SLC66A1: variants seen among roughly 807,000 people sequenced by gnomAD.
SLC66A1 encodes the protein solute carrier family 66 member 1, also known as lysosomal amino acid transporter 1 homolog.
Under a neutral mutation model 33.0 loss-of-function variants are expected in SLC66A1, and 23 were observed. The ratio of observed to expected loss-of-function variants is 0.70; its 90% CI spans 0.50 to 0.99. The LOEUF (loss-of-function observed/expected upper bound fraction) is 0.99, where lower values mean the gene tolerates loss of function less well. Among genes scored for constraint, SLC66A1 ranks in the 50% least tolerant of loss-of-function variants. The pLI is 0.00. For missense variants in SLC66A1, 335 were observed against 383.6 expected (o/e 0.87, Z 1.06); for synonymous variants, 164 against 175.5 (o/e 0.93, Z 0.52).
At chr1:19,332,848 G>A (rs1353612439), downstream of SLC66A1, among the ~76,000 whole-genome samples, 1 of 152,154 alleles carries the variant, frequency 6.6e-6, no homozygotes, top group Non-Finnish European at 1.5e-5. Flanking sequence ...TCAAGGAAAT[G>A]GAACCACGCT....
chr1:19,331,056 A>G (rs913339890), downstream of SLC66A1, among the ~76,000 whole-genome samples: 3 of 152,112 alleles, frequency 2.0e-5, no homozygotes, highest in African/African-American at 7.2e-5. Context: ...CTGCCGCCCA[A>G]GCTGGAGTGC....
Position 19,317,664 on chromosome 1 carries a change from C to T in SLC66A1, c.-14C>T. The T allele has an allele frequency of 6.2e-7, 1 of 1,613,440 alleles. No individual in the cohort carries two copies. Among genetic ancestry groups the T allele is most frequent in the South Asian group, 1.1e-5 (1 of 91,042 alleles). ...GTGCAGCCCTGCCTGGCCGGGGGCCCCTCCTCCACAGCCATGGTCTGGAAG... is the reference window on the plus strand; with the variant it reads ...GTGCAGCCCTGCCTGGCCGGGGGCCTCTCCTCCACAGCCATGGTCTGGAAG... On this transcript the variant is annotated 5_prime_UTR_variant, in exon 2 of 8. Coordinates refer to ENST00000375153, the MANE Select transcript of SLC66A1 (RefSeq NM_001040125.2).
intron 2 of SLC66A1, among the ~76,000 whole-genome samples, chr1:19,320,159 C>A (rs2093827191): frequency 1.3e-5 from 2 of 151,854 alleles, no homozygotes; most frequent in South Asian, 2.1e-4. Context: ...CCTCAGCATT[C>A]CAAAGTGCTG....
At chr1:19,325,779 C>T (rs942899248) in intron 4 of SLC66A1, among the ~76,000 whole-genome samples, 197 bp downstream of exon 4, 2 of 152,202 alleles carry the variant, frequency 1.3e-5, no homozygotes, top group Non-Finnish European at 2.9e-5. Context: ...GCAGTGAGCG[C>T]GTCCTGGCCC....
intron 2 of SLC66A1, among the ~76,000 whole-genome samples, chr1:19,322,773 G>A (rs945418981): frequency 1.3e-5 from 2 of 152,164 alleles, no homozygotes; most frequent in Non-Finnish European, 2.9e-5. Context: ...GCGAGCCTGG[G>A]GCCTTGCAAG....
downstream of SLC66A1, among the ~76,000 whole-genome samples, chr1:19,333,651 A>C (rs1416973127): frequency 6.6e-6 from 1 of 152,148 alleles, no homozygotes; most frequent in African/African-American, 2.4e-5. This position sits in a 1 kb window ranked among gnomAD's most constrained non-coding sequence, Gnocchi z 4.2. Flanking sequence ...CAGATGGTAA[A>C]GCTTTAAACT....
chr1:19,323,633 C>T (rs1216292739), intron 2 of SLC66A1, among the ~76,000 whole-genome samples: 4 of 152,106 alleles, frequency 2.6e-5, no homozygotes, highest in Non-Finnish European at 4.4e-5. Context: ...TCTCGAACTT[C>T]TGGCCTCAAG....
chr1:19,328,808 C>A lies in SLC66A1; in HGVS notation c.*165C>A. The A allele has an allele frequency of 4.0e-6, 3 of 748,132 alleles. No individual in the cohort carries two copies. The highest frequency in any genetic ancestry group is 4.3e-6 in the Non-Finnish European group (2 of 464,520). 46.3% of individuals were successfully genotyped at this position (748,132 alleles called of 1,614,324 possible). A position where few individuals can be genotyped will look rare whatever the true frequency, so the allele number is the denominator to read the frequency against. On this transcript the variant is annotated 3_prime_UTR_variant, in exon 8 of 8. Transcript: ENST00000375153. This position sits in a 1 kb window ranked among gnomAD's most constrained non-coding sequence, Gnocchi z 4.7. Reference sequence around the variant, plus strand: ...CCAGGAACACACCTTCAGGTAGACCCCGAAGCCTCAAGGCCGGGGCTGGAG... The same window carrying A: ...CCAGGAACACACCTTCAGGTAGACCACGAAGCCTCAAGGCCGGGGCTGGAG...
chr1:19,313,287 C>A (rs1468910358), intron 1 of SLC66A1: 1 of 972,976 alleles, frequency 1.0e-6, no homozygotes, highest in Admixed American at 6.2e-5. Flanking sequence ...CTTCCTTTCT[C>A]CTTTCCTTCC....
intron 2 of SLC66A1, among the ~76,000 whole-genome samples, chr1:19,319,348 G>A (rs2093821770): frequency 6.6e-6 from 1 of 152,166 alleles, no homozygotes; most frequent in African/African-American, 2.4e-5. Flanking sequence ...CTGTTGATTT[G>A]CCTTTTCTGG....
chr1:19,316,338 G>A (rs913457750), intron 1 of SLC66A1, among the ~76,000 whole-genome samples: 18 of 149,674 alleles, frequency 1.2e-4, no homozygotes, highest in African/African-American at 4.4e-4. Flanking sequence ...TCTGTGTGGG[G>A]CAACTCTTTA....
Position 19,325,568 on chromosome 1 carries a change from C to T in SLC66A1, c.368C>T (p.Thr123Met), listed in dbSNP as rs760784382. 9 of 1,602,252 alleles carry T rather than the reference C, an allele frequency of 5.6e-6. No individual in the cohort carries two copies. Among genetic ancestry groups the T allele is most frequent in the East Asian group, 2.2e-5 (1 of 44,770 alleles). Residue 123 changes from threonine (T) to methionine (M), a missense_variant, in exon 4 of 8, where the codon ACG becomes ATG. Thr to Met is a moderately conservative substitution (Grantham distance 81). Coordinates refer to ENST00000375153, the MANE Select transcript of SLC66A1 (RefSeq NM_001040125.2). ...LTLYFYYKFR[T>M]RPSLLSAPIN... ...CTGTACTTTTACTACAAGTTCAGGA[C>T]GCGCCCCTCTCTGTGTGAGTATGGG... is the stretch of plus-strand genomic sequence containing the variant.
intron 2 of SLC66A1, among the ~76,000 whole-genome samples, chr1:19,320,032 G>A (rs2152003411): frequency 6.6e-6 from 1 of 150,988 alleles, no homozygotes; most frequent in South Asian, 2.1e-4. Context: ...GAGTAGCTGG[G>A]AATACAGGCA....
chr1:19,325,638 T>TTGGGG, intron 4 of SLC66A1, 56 bp downstream of exon 4: 1 of 825,158 alleles, frequency 1.2e-6, no homozygotes, highest in African/African-American at 1.9e-5. Flanking sequence ...GGGGCAGTTG[T>TTGGGG]GGGGGGGGGC....
At chr1:19,327,133 C>G (rs925791189) in intron 6 of SLC66A1, 94 bp from the exon 7 acceptor site, 12 of 1,249,894 alleles carry the variant, frequency 9.6e-6, no homozygotes, top group Non-Finnish European at 1.4e-5. Flanking sequence ...AGAGCAGGTG[C>G]ACTGTGGTGG....
At chr1:19,316,800 T>C (rs1020438174) in intron 1 of SLC66A1, among the ~76,000 whole-genome samples, 16 of 152,002 alleles carry the variant, frequency 1.1e-4, no homozygotes, top group African/African-American at 3.6e-4. Flanking sequence ...CTGAGTAGCT[T>C]GGACCAGAGG....
At chr1:19,318,215 T>C (rs2093815876) in intron 2 of SLC66A1, among the ~76,000 whole-genome samples, 1 of 152,178 alleles carries the variant, frequency 6.6e-6, no homozygotes, top group South Asian at 2.1e-4. Context: ...GCAATTTGCT[T>C]TAGGTCACAC....
At chr1:19,313,433 A>G (rs2093788332) in intron 1 of SLC66A1, among the ~76,000 whole-genome samples, 2 of 152,166 alleles carry the variant, frequency 1.3e-5, no homozygotes, top group Non-Finnish European at 2.9e-5. Context: ...CACCTGGAGA[A>G]TAAGAAATGC....
rs143243971 is a variant in SLC66A1 at position 19,327,308 on chromosome 1, G to C, written c.700G>C (p.Val234Leu). The C allele has an allele frequency of 4.2e-4, 682 of 1,613,704 alleles. 4 individuals are homozygous for C. Among genetic ancestry groups the C allele is most frequent in the Non-Finnish European group, 1.1e-4 (134 of 1,179,834 alleles). ...MLGNTLYGLSVLLKNPEEGQS... is the reference protein window; with the variant it reads ...MLGNTLYGLSLLLKNPEEGQS... Reference sequence around the variant, plus strand: ...GGGGAACACGCTGTATGGGCTGAGCGTGCTGCTCAAAAACCCCGAGGAGGG... The same window carrying C: ...GGGGAACACGCTGTATGGGCTGAGCCTGCTGCTCAAAAACCCCGAGGAGGG... Residue 234 changes from valine (V) to leucine (L), a missense_variant, in exon 7 of 8, where the codon GTG becomes CTG. Physicochemically the swap from Val to Leu is conservative, Grantham distance 32 (BLOSUM62 1). Coordinates refer to ENST00000375153, the MANE Select transcript of SLC66A1 (RefSeq NM_001040125.2).
Sources: allele counts gnomAD v4.1 joint callset (sites outside exome capture counted in the v4.1 genomes callset), GRCh38; gene constraint gnomAD v4.1.1; non-coding constraint Gnocchi (gnomAD v3.1); transcripts MANE v1.5; gene names NCBI Gene and HGNC (gene_info 2026-07-23, HGNC 2026-07-21).